The following ZFR variants were observed in gnomAD, a reference collection of about 807,000 sequenced individuals.
The protein encoded by ZFR is zinc finger RNA binding protein.
A neutral mutation model predicts 130.7 loss-of-function variants in ZFR; 19 were observed. The ratio of observed to expected loss-of-function variants is 0.15; its 90% CI spans 0.10 to 0.21. The LOEUF is 0.21. Ranked by LOEUF, ZFR falls within the 10% of genes least tolerant of loss-of-function variation. The probability of loss-of-function intolerance (pLI) is 1.00; values close to 1 mark genes in which losing one functional copy is unlikely to be tolerated. For synonymous variants in ZFR, 466 were observed against 456.9 expected (o/e 1.02, Z -0.25); for missense variants, 872 against 1,321.5 (o/e 0.66, Z 5.27).
intron 11 of ZFR, among the ~76,000 whole-genome samples, chr5:32,391,890 C>G (rs186149112): frequency 1.3e-5 from 2 of 152,120 alleles, no homozygotes; most frequent in Non-Finnish European, 2.9e-5. Flanking sequence ...TGCACCACCA[C>G]GCCCAGCTAA....
intron 17 of ZFR, among the ~76,000 whole-genome samples, chr5:32,371,467 T>C (rs960804374): frequency 1.3e-5 from 2 of 152,206 alleles, no homozygotes; most frequent in Admixed American, 6.5e-5. Context: ...AGAACATTCC[T>C]TAAGAACAGA....
At chr5:32,400,618 G>A (rs1342052026) in intron 8 of ZFR, among the ~76,000 whole-genome samples, 1 of 152,192 alleles carries the variant, frequency 6.6e-6, no homozygotes, top group Non-Finnish European at 1.5e-5. Flanking sequence ...GGAGGCAGAG[G>A]TGGGAGGATC....
intron 17 of ZFR, among the ~76,000 whole-genome samples, chr5:32,367,885 A>G (rs1752581638): frequency 1.3e-5 from 2 of 152,242 alleles, no homozygotes; most frequent in African/African-American, 4.8e-5. Flanking sequence ...AATCCCATAA[A>G]TTTAAGAAGC....
intron 6 of ZFR, among the ~76,000 whole-genome samples, chr5:32,404,726 T>G (rs960546253): frequency 2.6e-5 from 4 of 152,254 alleles, no homozygotes; most frequent in African/African-American, 9.6e-5. Flanking sequence ...AAAATCATTG[T>G]GAATGCACAT....
chr5:32,388,387 AGT>A, intron 13 of ZFR, 80 bp downstream of exon 13: 1 of 1,278,894 alleles, frequency 7.8e-7, no homozygotes, highest in Non-Finnish European at 1.1e-6. Context: ...CAGAGTTACC[AGT>A]CATAAGCTAT....
At chr5:32,402,784 GA>G (rs34053562) in intron 8 of ZFR, among the ~76,000 whole-genome samples, 122,022 of 133,634 alleles carry the variant, frequency 0.91, 55,527 homozygotes, top group African/African-American at 0.95. Flanking sequence ...TCTCAAAAAT[GA>G]AAAAAAAAAA....
rs571162616 is a variant in ZFR at position 32,390,142 on chromosome 5, A to G, written c.2142+133T>C. ...TGCACTCCAGCCTGGGCGACAGAGC[A>G]AGACTCTGTCTCAAAAAAACTACCA... On this transcript the variant is annotated intron_variant, in intron 12 of 19. Transcript: ENST00000265069. 1.2e-4 allele frequency: 146 copies of G among 1,206,706 alleles called. No homozygotes were observed. In the African/African-American group the frequency reaches 2.0e-3, roughly 17 times the overall value. The allele number at this position is 1,206,706 out of a possible 1,614,324, so 74.7% of individuals were successfully genotyped here. A position where few individuals can be genotyped will look rare whatever the true frequency, so the allele number is the denominator to read the frequency against.
At chr5:32,415,330 C>G in intron 4 of ZFR, 143 bp from the exon 5 acceptor site, 1 of 649,354 alleles carries the variant, frequency 1.5e-6, no homozygotes, top group Non-Finnish European at 2.6e-6. Context: ...TAGCAAAAGG[C>G]ATAAAACTCT....
intron 2 of ZFR, among the ~76,000 whole-genome samples, chr5:32,439,210 T>C (rs1047815846): frequency 6.6e-6 from 1 of 152,196 alleles, no homozygotes; most frequent in African/African-American, 2.4e-5. Context: ...AATGGAAGGA[T>C]TGATGTTATT....
rs77085626 is a variant in ZFR, at chr5:32,395,411, G to T, written c.1834-107C>A. 11 of 867,822 alleles carry T rather than the reference G, an allele frequency of 1.3e-5. No individual in the cohort carries two copies. In the East Asian group the frequency reaches 2.5e-4, roughly 20 times the overall value. 53.8% of individuals were successfully genotyped at this position (867,822 alleles called of 1,614,324 possible). ...TCTTTAATCACGGAGGCTTTTAGTTGCAAGTTTCCCACTAGAGAGTAAAAT... is the reference window on the plus strand; with the variant it reads ...TCTTTAATCACGGAGGCTTTTAGTTTCAAGTTTCCCACTAGAGAGTAAAAT... On this transcript the variant is annotated intron_variant, in intron 10 of 19. Coordinates refer to ENST00000265069, the MANE Select transcript of ZFR (RefSeq NM_016107.5).
At chr5:32,431,549 A>G (rs1263410077) in intron 2 of ZFR, among the ~76,000 whole-genome samples, 1 of 152,236 alleles carries the variant, frequency 6.6e-6, no homozygotes, top group Non-Finnish European at 1.5e-5. Context: ...CTTAGAAAAC[A>G]TACTGTGTGT....
chr5:32,385,629 A>G lies in ZFR; in HGVS notation c.2520T>C (p.Tyr840=), dbSNP rs143949711. Residue 840 remains tyrosine (Y), a synonymous_variant, in exon 15 of 20, where the codon TAT becomes TAC. Coordinates refer to ENST00000265069, the MANE Select transcript of ZFR (RefSeq NM_016107.5). The part of the protein sequence containing the change: ...KQLAVISPEK[Y]DIKCAVSEAA... ...CTTCAGATACAGCACATTTTATGTC[A>G]TACTTCTCAGGGCTTATAACCTGTG... The G allele has an allele frequency of 4.8e-5, 77 of 1,613,138 alleles. No individual in the cohort carries two copies. The highest frequency in any genetic ancestry group is 6.0e-5 in the Non-Finnish European group (71 of 1,179,474).
At chr5:32,367,094 G>A (rs1441293781) in intron 17 of ZFR, among the ~76,000 whole-genome samples, 1 of 151,674 alleles carries the variant, frequency 6.6e-6, no homozygotes, top group African/African-American at 2.4e-5. Context: ...TGAGAGACAG[G>A]GTCTTGCTCT....
chr5:32,359,949 A>G (rs994397223), intron 19 of ZFR, among the ~76,000 whole-genome samples: 1 of 147,196 alleles, frequency 6.8e-6, no homozygotes, highest in East Asian at 2.1e-4. Flanking sequence ...GTCTTAAGGA[A>G]AAAAAAAAAA....
intron 9 of ZFR, among the ~76,000 whole-genome samples, chr5:32,399,210 G>C (rs2111763490): frequency 6.6e-6 from 1 of 152,120 alleles, no homozygotes; most frequent in East Asian, 2.0e-4. Flanking sequence ...AGGAGGCAGA[G>C]GTTGCAGTGA....
Position 32,387,643 on chromosome 5 carries a change from C to A in ZFR, c.2405G>T (p.Gly802Val), listed in dbSNP as rs1297459740. 6.2e-7 allele frequency: 1 copy of A among 1,613,560 alleles called. No individual in the cohort carries two copies. Among genetic ancestry groups the A allele is most frequent in the Non-Finnish European group, 8.5e-7 (1 of 1,179,626 alleles). The change falls in exon 14 of 20, where the codon GGA becomes GTA. Residue 802 changes from glycine to valine, a missense_variant. Around this residue, in one of 7 missense-constraint regions of ZFR, gnomAD observed 225 missense variants for 282.4 expected, o/e 0.80. Transcript: ENST00000265069. ...CAAAACAAGGTTGACATTTCTATCT[C>A]CTCGGAGAAGTAATCCTTTTGCCAA... ...GVLAKGLLLR[G>V]DRNVNLVLLC...
chr5:32,375,852 T>G (rs532516026), intron 17 of ZFR, among the ~76,000 whole-genome samples: 5 of 150,960 alleles, frequency 3.3e-5, no homozygotes, highest in Admixed American at 3.3e-4. Flanking sequence ...AATTAGTTTT[T>G]TTTTTTTTTG....
chr5:32,387,133 TTAC>T (rs1240740629), intron 14 of ZFR, among the ~76,000 whole-genome samples: 4 of 152,098 alleles, frequency 2.6e-5, no homozygotes, highest in Non-Finnish European at 5.9e-5. Flanking sequence ...ACTATTTTAG[TTAC>T]TACATTTTAT....
At chr5:32,398,036 T>C (rs1753358500) in intron 9 of ZFR, among the ~76,000 whole-genome samples, 1 of 151,284 alleles carries the variant, frequency 6.6e-6, no homozygotes, top group South Asian at 2.1e-4. Context: ...TTTGTATTTT[T>C]AGTAGAGATG....
Sources: gnomAD v4.1 joint callset for allele counts (sites outside exome capture counted in the v4.1 genomes callset) on GRCh38, gnomAD v4.1.1 for gene constraint, gnomAD v4.1.1 regional missense constraint, MANE v1.5 for transcripts, NCBI Gene and HGNC (gene_info 2026-07-23, HGNC 2026-07-21) for gene names.